Variants in MCTP1 observed in about 807,000 individuals in gnomAD.
MCTP1 encodes multiple C2 and transmembrane domain-containing protein 1.
Under a neutral mutation model 120.6 loss-of-function variants are expected in MCTP1, and 69 were observed. The observed-to-expected ratio is 0.57, with a 90% CI of 0.47 to 0.70. The LOEUF (loss-of-function observed/expected upper bound fraction) is 0.70, where lower values mean the gene tolerates loss of function less well. Among genes scored for constraint, MCTP1 ranks in the 30% least tolerant of loss-of-function variants. The pLI is 0.00. For synonymous variants in MCTP1, 529 were observed against 493.1 expected, an observed-to-expected ratio of 1.07 and a Z score of -0.96; for missense variants, 1,203 against 1,248.8, an observed-to-expected ratio of 0.96 and a Z score of 0.55.
intron 17 of MCTP1, among the ~76,000 whole-genome samples, chr5:94,811,701 A>T (rs1783462338): frequency 6.6e-6 from 1 of 152,226 alleles, no homozygotes; most frequent in Non-Finnish European, 1.5e-5. Context: ...TTAGTCCGCA[A>T]AACAGATGAG....
chr5:95,168,020 T>C (rs1172335916), intron 1 of MCTP1, among the ~76,000 whole-genome samples: 1 of 152,230 alleles, frequency 6.6e-6, no homozygotes, highest in Non-Finnish European at 1.5e-5. Context: ...AGGGTTTTTA[T>C]GGTTTTAGGT....
chr5:94,781,386 G>A (rs367748331), intron 18 of MCTP1, among the ~76,000 whole-genome samples: 156 of 152,204 alleles, frequency 1.0e-3, no homozygotes, highest in African/African-American at 3.5e-3. Context: ...TTTGTTGATT[G>A]AGTGAACAGG....
intron 1 of MCTP1, among the ~76,000 whole-genome samples, chr5:95,230,240 A>G (rs139112077): frequency 6.9e-4 from 88 of 127,354 alleles, no homozygotes; most frequent in East Asian, 4.3e-4. Flanking sequence ...GTGTGTGTGT[A>G]TATATATACA....
chr5:95,016,471 G>T (rs1365052343), intron 2 of MCTP1, among the ~76,000 whole-genome samples: 1 of 151,878 alleles, frequency 6.6e-6, no homozygotes, highest in Middle Eastern at 3.4e-3. Context: ...CCCTAATCTG[G>T]TTCCTTCTAT....
intron 1 of MCTP1, among the ~76,000 whole-genome samples, chr5:95,102,675 A>G (rs1371008631): frequency 3.3e-5 from 5 of 152,042 alleles, no homozygotes; most frequent in Non-Finnish European, 7.4e-5. Context: ...TATTTATACA[A>G]GGTATTGTAA....
At chr5:94,774,271 AGGTTGTGTTCTGT>A (rs1256105126) in intron 19 of MCTP1, among the ~76,000 whole-genome samples, 1 of 143,316 alleles carries the variant, frequency 7.0e-6, no homozygotes, top group Non-Finnish European at 1.5e-5. Context: ...TCCCATGACT[AGGTTGTGTTCTGT>A]GGCACAATTG....
chr5:94,825,418 A>G (rs1372898047), intron 17 of MCTP1, among the ~76,000 whole-genome samples: 1 of 151,632 alleles, frequency 6.6e-6, no homozygotes, highest in Non-Finnish European at 1.5e-5. Flanking sequence ...TTTGTTATGA[A>G]TTCTGTTCTT....
At chr5:94,975,574 C>G (rs931181561) in intron 2 of MCTP1, among the ~76,000 whole-genome samples, 2 of 151,794 alleles carry the variant, frequency 1.3e-5, no homozygotes, top group Admixed American at 1.3e-4. Flanking sequence ...ACCCAGTCTA[C>G]AGTATTTCGT....
At chr5:95,081,690 T>G (rs1754967509) in intron 1 of MCTP1, 6 of 1,304,262 alleles carry the variant, frequency 4.6e-6, no homozygotes, top group Non-Finnish European at 5.9e-6. Flanking sequence ...TAGCTTTAGA[T>G]TCACAGGATA....
chr5:94,859,717 A>T (rs1428454881), intron 17 of MCTP1, among the ~76,000 whole-genome samples: 2 of 151,734 alleles, frequency 1.3e-5, no homozygotes, highest in Non-Finnish European at 3.0e-5. Flanking sequence ...TACATTTATG[A>T]ATTACTTTTC....
intron 17 of MCTP1, among the ~76,000 whole-genome samples, chr5:94,839,112 C>T (rs1300274914): frequency 6.6e-6 from 1 of 152,140 alleles, no homozygotes. Context: ...AGGCCATGTG[C>T]TGGAACACAG....
In MCTP1 at chr5:95,284,277, C is replaced by A. The variant is rs1355332196; in HGVS notation, c.299G>T (p.Cys100Phe). The change falls in exon 1 of 23, where the codon TGC becomes TTC. Residue 100 changes from cysteine (C) to phenylalanine (F), a missense_variant. Cys to Phe is a radical substitution (Grantham distance 205, BLOSUM62 -2). Coordinates refer to ENST00000515393, the MANE Select transcript of MCTP1 (RefSeq NM_024717.7). This position sits in a 1 kb window ranked among gnomAD's most constrained non-coding sequence, Gnocchi z 5.2. ...RVFSSSQPNL[C>F]CSSPEPLEPG... ...CTCCAGGGGCTCCGGCGACGAGCAG[C>A]ACAGGTTGGGCTGCGAGGAGGAGAA... The A allele has an allele frequency of 6.3e-7, 1 of 1,596,396 alleles. No individual in the cohort carries two copies. Among genetic ancestry groups the A allele is most frequent in the African/African-American group, 1.3e-5 (1 of 74,420 alleles).
chr5:94,877,010 G>T (rs1799026108), intron 12 of MCTP1, among the ~76,000 whole-genome samples: 1 of 151,968 alleles, frequency 6.6e-6, no homozygotes, highest in African/African-American at 2.4e-5. Flanking sequence ...AGGCAGAGTT[G>T]TAAGGGCTGT....
chr5:94,987,131 C>T (rs1183684332), intron 2 of MCTP1, among the ~76,000 whole-genome samples: 1 of 152,016 alleles, frequency 6.6e-6, no homozygotes, highest in African/African-American at 2.4e-5. Context: ...GTTGAATCCT[C>T]GGCTATAGAA....
chr5:94,774,207 C>CAAA (rs70978130), intron 19 of MCTP1, among the ~76,000 whole-genome samples: 59 of 4,182 alleles, frequency 0.014, 6 homozygotes, highest in Admixed American at 0.017. Context: ...GACTCCGTCT[C>CAAA]AAAAAAAAAA....
At chr5:95,056,014 C>T (rs1747302391) in intron 1 of MCTP1, among the ~76,000 whole-genome samples, 1 of 152,176 alleles carries the variant, frequency 6.6e-6, no homozygotes, top group Non-Finnish European at 1.5e-5. Flanking sequence ...TAAGAAACTT[C>T]TATGTATCTG....
At chr5:95,177,138 T>C (rs1200656744) in intron 1 of MCTP1, among the ~76,000 whole-genome samples, 1 of 151,090 alleles carries the variant, frequency 6.6e-6, no homozygotes, top group Non-Finnish European at 1.5e-5. Flanking sequence ...CATAGAAATA[T>C]ATATTTATTT....
intron 19 of MCTP1, among the ~76,000 whole-genome samples, chr5:94,748,904 G>A (rs918030037): frequency 1.5e-4 from 23 of 151,536 alleles, no homozygotes; most frequent in African/African-American, 5.6e-4. Flanking sequence ...ACACAGACTG[G>A]CCACCGTCTG....
chr5:95,017,332 A>AAAGCT (rs1337019059), intron 2 of MCTP1, 35 bp downstream of exon 2: 1 of 1,346,256 alleles, frequency 7.4e-7, no homozygotes, highest in Non-Finnish European at 1.0e-6. Flanking sequence ...AACACATAAA[A>AAAGCT]AAGCTTCTAG....
Sources: allele counts gnomAD v4.1 joint callset (sites outside exome capture counted in the v4.1 genomes callset), GRCh38; gene constraint gnomAD v4.1.1; non-coding constraint Gnocchi (gnomAD v3.1); transcripts MANE v1.5; gene names NCBI Gene and HGNC (gene_info 2026-07-23, HGNC 2026-07-21).